The following RANBP17 variants were observed in gnomAD, a reference collection of about 807,000 sequenced individuals.
The protein encoded by RANBP17 is ran-binding protein 17.
In RANBP17, 158 loss-of-function variants were observed where a neutral mutation model predicts 141.2. The observed-to-expected ratio is 1.12, with a 90% confidence interval of 0.98 to 1.28. The LOEUF is 1.28. RANBP17 is among the 50% of genes most tolerant of loss of function. The pLI is 0.00. For missense variants in RANBP17, 1,438 were observed against 1,290.7 expected (o/e 1.11, Z -1.75); for synonymous variants, 430 against 450.0 (o/e 0.96, Z 0.56).
At chr5:171,054,536 G>A (rs1005511031) in intron 14 of RANBP17, among the ~76,000 whole-genome samples, 8 of 152,148 alleles carry the variant, frequency 5.3e-5, no homozygotes, top group Non-Finnish European at 8.8e-5. Context: ...CATATAAAGA[G>A]CAGTGAGGAT....
intron 14 of RANBP17, among the ~76,000 whole-genome samples, chr5:171,139,727 C>CTAACT (rs1757563856): frequency 6.6e-6 from 1 of 152,190 alleles, no homozygotes. Flanking sequence ...AACTTGAATC[C>CTAACT]TGACTCTTTT....
chr5:170,955,817 T>C (rs1403415865), intron 13 of RANBP17, among the ~76,000 whole-genome samples: 1 of 141,128 alleles, frequency 7.1e-6, no homozygotes, highest in East Asian at 2.0e-4. Context: ...CTAAAATTCC[T>C]GTATATATAT....
At chr5:171,297,916 C>T (rs1254175213) in intron 27 of RANBP17, among the ~76,000 whole-genome samples, 4 of 124,682 alleles carry the variant, frequency 3.2e-5, no homozygotes, top group Non-Finnish European at 6.3e-5. Flanking sequence ...AGTGCAGTGG[C>T]GTGATCTCAG....
At chr5:170,881,740 A>T in intron 2 of RANBP17, 66 bp from the exon 3 acceptor site, 1 of 1,132,648 alleles carries the variant, frequency 8.8e-7, no homozygotes, top group Non-Finnish European at 1.2e-6. Context: ...TTAGAAGAAC[A>T]TCTCTATCAC....
rs749929421 is a variant in RANBP17 at position 170,911,136 on chromosome 5, T to A, written c.760+2T>A. ...AGATTCCAACAACTTGGAGAACAAG[T>A]AAGAAAAAACTTTGGTATGAAGGGT... On this transcript the variant is annotated splice_donor_variant, in intron 7 of 27. Coordinates refer to ENST00000523189, the MANE Select transcript of RANBP17 (RefSeq NM_022897.5). LOFTEE classifies it high-confidence loss of function. 7.5e-6 allele frequency: 12 copies of A among 1,610,726 alleles called. No individual in the cohort carries two copies. The highest frequency in any genetic ancestry group is 1.0e-5 in the Non-Finnish European group (12 of 1,177,970).
intron 14 of RANBP17, among the ~76,000 whole-genome samples, chr5:170,978,351 C>G (rs1196304312): frequency 1.3e-5 from 2 of 152,012 alleles, no homozygotes; most frequent in African/African-American, 4.8e-5. Flanking sequence ...CTCTTATTTA[C>G]CCAGAAGAAA....
intron 9 of RANBP17, among the ~76,000 whole-genome samples, chr5:170,917,090 T>C (rs1157581282): frequency 6.6e-6 from 1 of 152,196 alleles, no homozygotes; most frequent in African/African-American, 2.4e-5. Flanking sequence ...TGTGTTTCTC[T>C]TATTTTTTTC....
At position 171,159,228 on chromosome 5, in the gene RANBP17, A is replaced by G. The variant is rs140577945; in HGVS notation, c.1711-10902A>G. ...TGCTTTTCGCTGTATCACATTGGCT[A>G]TGTATGTATTTAGGCATGAGTCCAG... is the stretch of plus-strand genomic sequence containing the variant. On this transcript the variant is annotated intron_variant, in intron 14 of 27. Transcript: ENST00000523189. Among the ~76,000 whole-genome samples, 3 of 152,256 alleles carry G rather than the reference A, an allele frequency of 2.0e-5. No individual in the cohort carries two copies. The East Asian group carries it at 5.8e-4, about 29-fold the overall frequency.
At chr5:171,000,997 C>CAG (rs1779166389) in intron 14 of RANBP17, among the ~76,000 whole-genome samples, 1 of 152,108 alleles carries the variant, frequency 6.6e-6, no homozygotes, top group African/African-American at 2.4e-5. Context: ...GTGCAGGTCA[C>CAG]GGGATATGAT....
chr5:171,063,060 T>C (rs1289207757), intron 14 of RANBP17, among the ~76,000 whole-genome samples: 2 of 152,268 alleles, frequency 1.3e-5, no homozygotes, highest in East Asian at 3.9e-4. Context: ...TATACATTCA[T>C]CTAAATTTTT....
chr5:171,117,888 C>T (rs911189037), intron 14 of RANBP17, among the ~76,000 whole-genome samples: 1 of 151,858 alleles, frequency 6.6e-6, no homozygotes, highest in Non-Finnish European at 1.5e-5. Context: ...GTTAGAGTTC[C>T]TTGTATATTC....
chr5:170,945,926 CAT>C (rs1331341822), intron 12 of RANBP17, among the ~76,000 whole-genome samples: 1 of 152,158 alleles, frequency 6.6e-6, no homozygotes, highest in African/African-American at 2.4e-5. Context: ...GGTTAGGACT[CAT>C]AATGTGTTAA....
chr5:171,046,123 A>G (rs750391636), intron 14 of RANBP17, among the ~76,000 whole-genome samples: 4 of 151,760 alleles, frequency 2.6e-5, no homozygotes, highest in African/African-American at 9.7e-5. Context: ...TCTGCCCCAT[A>G]TGGAAACTTA....
At chr5:170,893,792 C>CAA (rs774620605) in intron 4 of RANBP17, among the ~76,000 whole-genome samples, 19 of 103,378 alleles carry the variant, frequency 1.8e-4, no homozygotes, top group African/African-American at 2.9e-4. Context: ...GACTCCGTCT[C>CAA]AAAAAAAAAA....
Position 170,958,349 on chromosome 5 carries a change from A to G in RANBP17, c.1574+4647A>G, listed in dbSNP as rs139835613. 4.9e-3 allele frequency among the ~76,000 whole-genome samples: 752 copies of G among 152,260 alleles called. 5 individuals are homozygous for G. Among genetic ancestry groups the G allele is most frequent in the African/African-American group, 0.017 (687 of 41,546 alleles). On this transcript the variant is annotated intron_variant, in intron 13 of 27. Coordinates refer to ENST00000523189, the MANE Select transcript of RANBP17 (RefSeq NM_022897.5). ...TTGTCTCTCTTTTCTGGGAAGATAC[A>G]TAACTCCAGAAACTGTGAGAGTCTT...
intron 14 of RANBP17, among the ~76,000 whole-genome samples, chr5:171,149,973 G>A (rs1758355486): frequency 6.6e-6 from 1 of 152,194 alleles, no homozygotes; most frequent in African/African-American, 2.4e-5. Context: ...TGTGGGGGTA[G>A]GGGGAGGCAA....
At chr5:170,945,585 A>G (rs1056294857) in intron 12 of RANBP17, among the ~76,000 whole-genome samples, 2 of 152,142 alleles carry the variant, frequency 1.3e-5, no homozygotes, top group African/African-American at 4.8e-5. Flanking sequence ...CTTATTAGCT[A>G]AATTGTACTG....
chr5:171,047,120 T>C (rs1435435713), intron 14 of RANBP17, among the ~76,000 whole-genome samples: 3 of 143,378 alleles, frequency 2.1e-5, no homozygotes, highest in Admixed American at 7.5e-5. Flanking sequence ...AGGGTTCAGG[T>C]GATTCTCCTG....
intron 3 of RANBP17, among the ~76,000 whole-genome samples, chr5:170,890,105 C>CTATT (rs1769473906): frequency 6.6e-6 from 1 of 151,978 alleles, no homozygotes; most frequent in South Asian, 2.1e-4. Flanking sequence ...GGGTTGTCTC[C>CTATT]TATTTGTTTG....
Sources: gnomAD v4.1 joint callset for allele counts (sites outside exome capture counted in the v4.1 genomes callset) on GRCh38, gnomAD v4.1.1 for gene constraint, MANE v1.5 for transcripts, NCBI Gene and HGNC (gene_info 2026-07-23, HGNC 2026-07-21) for gene names.